The following ATP11A variants were observed in gnomAD, a reference collection of about 807,000 sequenced individuals.
ATP11A encodes phospholipid-transporting ATPase IH.
In ATP11A, 81 loss-of-function variants were observed where a neutral mutation model predicts 154.4. That is an observed-to-expected ratio of 0.52 (90% confidence interval 0.44 to 0.63). ATP11A has a LOEUF of 0.63. ATP11A is among the 30% of genes least tolerant of loss of function. The pLI, the probability that ATP11A is intolerant of heterozygous loss-of-function variation, is 0.00. For missense variants in ATP11A, 1,316 were observed against 1,474.3 expected, an observed-to-expected ratio of 0.89 and a Z score of 1.76; for synonymous variants, 623 against 585.9, an observed-to-expected ratio of 1.06 and a Z score of -0.91.
In ATP11A at chr13:112,729,337, C is replaced by T. The variant is rs74698901; in HGVS notation, c.39+38882C>T. ...CCCCTGCTGTTTCCATGGGTTTATC[C>T]GACTCTGCCCACTGAGGCAGCACAG... is the stretch of plus-strand genomic sequence containing the variant. On this transcript the variant is annotated intron_variant, in intron 1 of 29. Transcript: ENST00000375645. Among the ~76,000 whole-genome samples, 594 of 152,328 alleles carry T rather than the reference C, an allele frequency of 3.9e-3. 4 individuals carry two copies. Among genetic ancestry groups the T allele is most frequent in the African/African-American group, 0.013 (556 of 41,558 alleles).
rs917166093 is a variant in ATP11A, at chr13:112,862,376, G to A, written c.2856-64G>A. The A allele has an allele frequency of 6.9e-6, 11 of 1,598,394 alleles. No homozygotes were observed. In the Admixed American group the frequency reaches 1.4e-4, roughly 20 times the overall value. ...AACGTCCAGGGATGGCCACCCCAGA[G>A]CCTGGGGGAGGTGCCGGGCCCTGAT... On this transcript the variant is annotated intron_variant, in intron 24 of 29. Transcript: ENST00000375645.
At position 112,807,019 on chromosome 13, in the gene ATP11A, T is replaced by G. The variant is rs2078341992; in HGVS notation, c.333+726T>G. On this transcript the variant is annotated intron_variant, in intron 4 of 29. Coordinates refer to ENST00000375645, the MANE Select transcript of ATP11A (RefSeq NM_015205.3). This position sits in a 1 kb window ranked among gnomAD's most constrained non-coding sequence, Gnocchi z 4.5. ...TCCCCTGCACATACCTGGCATTTTG[T>G]GTATCACGCGTCCTCTGTGGATGGA... Among the ~76,000 whole-genome samples, 1 of 152,248 alleles carries G rather than the reference T, an allele frequency of 6.6e-6. No homozygotes were observed. The highest frequency in any genetic ancestry group is 1.5e-5 in the Non-Finnish European group (1 of 68,038).
intron 1 of ATP11A, among the ~76,000 whole-genome samples, chr13:112,775,607 A>G (rs1378713740): frequency 1.3e-5 from 2 of 152,252 alleles, no homozygotes; most frequent in Non-Finnish European, 2.9e-5. Context: ...TTTCTGTAAG[A>G]AAAAAATTGG....
At position 112,700,662 on chromosome 13, in the gene ATP11A, A is replaced by G. The variant is rs566215944; in HGVS notation, c.39+10207A>G. 1.5e-4 allele frequency among the ~76,000 whole-genome samples: 23 copies of G among 152,314 alleles called. No homozygotes were observed. The East Asian group carries it at 3.3e-3, about 22-fold the overall frequency. On this transcript the variant is annotated intron_variant, in intron 1 of 29. Coordinates refer to ENST00000375645, the MANE Select transcript of ATP11A (RefSeq NM_015205.3). ...CCCAGGTTGTGCCTGTTGTCCCCAC[A>G]TCGTTAATAATTATCCATAGCGTCC...
chr13:112,730,023 G>A lies in ATP11A; in HGVS notation c.39+39568G>A, dbSNP rs543333132. ...TTACAGATTTGGGAGCTGGAAGGGT[G>A]CAGAGTCTCATCTCTGTGTCCATGC... On this transcript the variant is annotated intron_variant, in intron 1 of 29. Transcript: ENST00000375645. 1.1e-3 allele frequency among the ~76,000 whole-genome samples: 161 copies of A among 152,356 alleles called. 1 individual carries two copies. The highest frequency in any genetic ancestry group is 3.5e-3 in the South Asian group (17 of 4,830).
At chr13:112,703,474 C>T (rs1298167039) in intron 1 of ATP11A, 1 of 152,122 alleles carries the variant, frequency 6.6e-6, no homozygotes, top group Non-Finnish European at 1.5e-5. Context: ...ATTTAGATGG[C>T]GAATATTCAG....
intron 6 of ATP11A, among the ~76,000 whole-genome samples, chr13:112,818,276 G>T (rs970672366): frequency 6.7e-6 from 1 of 149,610 alleles, no homozygotes; most frequent in Non-Finnish European, 1.5e-5. Context: ...ATGACCGTTG[G>T]TGCGCTTGGT....
At chr13:112,776,690 G>A (rs2077356979) in intron 1 of ATP11A, among the ~76,000 whole-genome samples, 1 of 152,190 alleles carries the variant, frequency 6.6e-6, no homozygotes, top group Non-Finnish European at 1.5e-5. Flanking sequence ...CCACCTCCCA[G>A]GTTCAAGCCA....
At chr13:112,835,523 C>T (rs2079208712) in intron 15 of ATP11A, among the ~76,000 whole-genome samples, 1 of 152,214 alleles carries the variant, frequency 6.6e-6, no homozygotes, top group Non-Finnish European at 1.5e-5. Context: ...TCCGGGTTTG[C>T]AGCCGTGGAG....
At chr13:112,742,518 C>T (rs1891671617) in intron 1 of ATP11A, among the ~76,000 whole-genome samples, 1 of 152,188 alleles carries the variant, frequency 6.6e-6, no homozygotes, top group Non-Finnish European at 1.5e-5. Context: ...TAATTTCAGG[C>T]ACTGGACGAC....
In ATP11A at chr13:112,873,554, C is replaced by CTTTTTTTTTTTTTTTTTTTTT; in HGVS notation, c.3058-9_3058-8insTTTTTTTTTTTTTTTTTTTTT. 7.3e-7 allele frequency: 1 copy of CTTTTTTTTTTTTTTTTTTTTT among 1,370,380 alleles called. No homozygotes were observed. 84.9% of individuals were successfully genotyped at this position (1,370,380 alleles called of 1,614,324 possible). ...TGCTCAGATGACACCGTTAACTGCC[C>CTTTTTTTTTTTTTTTTTTTTT]TTTTTTTTTTCCTTTTAGCTTGCAT... On this transcript the variant is annotated intron_variant, in intron 26 of 29. Transcript: ENST00000375645.
In ATP11A at chr13:112,884,014, A is replaced by G. The variant is rs935399811; in HGVS notation, c.*2148A>G. Reference sequence around the variant, plus strand: ...TATTCATTTATTTAACATACTGTCTAATTTTAAAAATAGGTTTTTAAAGCT... The same window carrying G: ...TATTCATTTATTTAACATACTGTCTGATTTTAAAAATAGGTTTTTAAAGCT... On this transcript the variant is annotated 3_prime_UTR_variant, in exon 30 of 30. Coordinates refer to ENST00000375645, the MANE Select transcript of ATP11A (RefSeq NM_015205.3). The G allele has an allele frequency of 2.0e-5, 3 of 152,482 alleles. No homozygotes were observed. Among genetic ancestry groups the G allele is most frequent in the African/African-American group, 7.2e-5 (3 of 41,454 alleles). 9.4% of individuals were successfully genotyped at this position (152,482 alleles called of 1,614,324 possible). A position where few individuals can be genotyped will look rare whatever the true frequency, so the allele number is the denominator to read the frequency against.
chr13:112,805,045 A>G lies in ATP11A; in HGVS notation c.251A>G (p.Gln84Arg). 1 of 1,600,166 alleles carries G rather than the reference A, an allele frequency of 6.2e-7. No homozygotes were observed. The highest frequency in any genetic ancestry group is 8.5e-7 in the Non-Finnish European group (1 of 1,173,202). Residue 84 changes from glutamine to arginine, a missense_variant and splice_region_variant, in exon 3 of 30, where the codon CAG becomes CGG. Coordinates refer to ENST00000375645, the MANE Select transcript of ATP11A (RefSeq NM_015205.3). Reference sequence around the variant, plus strand: ...TATTTCCTTATCATATTTCTGGTGCAGGTAAGGCCGGTCATTGTTTTCCAT... The same window carrying G: ...TATTTCCTTATCATATTTCTGGTGCGGGTAAGGCCGGTCATTGTTTTCCAT... ...NFYFLIIFLVQLIIDTPTSPV... is the reference protein window; with the variant it reads ...NFYFLIIFLVRLIIDTPTSPV...
chr13:112,801,201 AACGAG>A, intron 2 of ATP11A, among the ~76,000 whole-genome samples: 2 of 11,514 alleles, frequency 1.7e-4, no homozygotes, highest in Non-Finnish European at 1.3e-4. Flanking sequence ...AATGGTGAAA[AACGAG>A]ATGATTTCAC....
At chr13:112,803,448 A>C (rs1468431868) in intron 2 of ATP11A, among the ~76,000 whole-genome samples, 1 of 152,190 alleles carries the variant, frequency 6.6e-6, no homozygotes, top group African/African-American at 2.4e-5. Context: ...GAAGAGACAC[A>C]CAGATGGCAG....
chr13:112,700,331 C>T (rs1187896584), intron 1 of ATP11A, among the ~76,000 whole-genome samples: 1 of 152,196 alleles, frequency 6.6e-6, no homozygotes, highest in African/African-American at 2.4e-5. Flanking sequence ...GCTGTGGGCA[C>T]CTCCGGGAGG....
rs899085504 is a variant in ATP11A, at chr13:112,882,638, G to A, written c.*772G>A. 4.7e-5 allele frequency: 19 copies of A among 400,618 alleles called. No individual in the cohort carries two copies. The highest frequency in any genetic ancestry group is 6.6e-5 in the Non-Finnish European group (15 of 227,964). 24.8% of individuals were successfully genotyped at this position (400,618 alleles called of 1,614,324 possible). ...GCTGAGTTTCGGTCTCCCCATCACC[G>A]GCCGCCTCGTGGAGAAGGCAGTGCC... is the stretch of plus-strand genomic sequence containing the variant. On this transcript the variant is annotated 3_prime_UTR_variant, in exon 30 of 30. Coordinates refer to ENST00000375645, the MANE Select transcript of ATP11A (RefSeq NM_015205.3). The surrounding 1 kb of genome is among the most constrained non-coding windows in gnomAD (Gnocchi z 5.1).
At chr13:112,716,985 G>A (rs1004353102) in intron 1 of ATP11A, among the ~76,000 whole-genome samples, 2 of 152,166 alleles carry the variant, frequency 1.3e-5, no homozygotes, top group Admixed American at 6.5e-5. Context: ...ACCCACAGAC[G>A]CAGACCCACT....
chr13:112,788,713 C>T (rs942081691), intron 2 of ATP11A, among the ~76,000 whole-genome samples: 4 of 151,544 alleles, frequency 2.6e-5, no homozygotes, highest in East Asian at 2.0e-4. Flanking sequence ...CTACTTAATT[C>T]GCACCTGGCA....
Sources: gnomAD v4.1 joint callset for allele counts (sites outside exome capture counted in the v4.1 genomes callset) on GRCh38, gnomAD v4.1.1 for gene constraint, Gnocchi (gnomAD v3.1) non-coding constraint, MANE v1.5 for transcripts, NCBI Gene and HGNC (gene_info 2026-07-23, HGNC 2026-07-21) for gene names.